ST3GAL5: variants seen among roughly 807,000 people sequenced by gnomAD.
ST3GAL5 encodes lactosylceramide alpha-2,3-sialyltransferase.
A neutral mutation model predicts 46.1 loss-of-function variants in ST3GAL5; 25 were observed. The ratio of observed to expected loss-of-function variants is 0.54; its 90% CI spans 0.40 to 0.76. The LOEUF (loss-of-function observed/expected upper bound fraction) is 0.76, where lower values mean the gene tolerates loss of function less well. Among genes scored for constraint, ST3GAL5 ranks in the 30% least tolerant of loss-of-function variants. The pLI, the probability that ST3GAL5 is intolerant of heterozygous loss-of-function variation, is 0.00. For missense variants in ST3GAL5, 431 were observed against 521.2 expected (o/e 0.83, Z 1.69); for synonymous variants, 182 against 192.7 (o/e 0.94, Z 0.46).
chr2:85,853,422 ACTGT>A (rs1683756589), intron 3 of ST3GAL5: 1 of 281,758 alleles, frequency 3.5e-6, no homozygotes, highest in African/African-American at 2.2e-5. Context: ...TCCCACTCAC[ACTGT>A]GGGCTGCTGA....
At chr2:85,864,577 T>C (rs1055400140) in intron 1 of ST3GAL5, among the ~76,000 whole-genome samples, 4 of 93,718 alleles carry the variant, frequency 4.3e-5, no homozygotes, top group African/African-American at 1.5e-4. Context: ...AGCAGAAGTG[T>C]TACATCAAAA....
chr2:85,885,494 T>G (rs1687636507), intron 1 of ST3GAL5, among the ~76,000 whole-genome samples: 1 of 152,164 alleles, frequency 6.6e-6, no homozygotes, highest in African/African-American at 2.4e-5. Flanking sequence ...ACTGTGGCCC[T>G]CATCAGCGAA....
intron 5 of ST3GAL5, chr2:85,846,176 C>G: frequency 1.7e-6 from 1 of 574,102 alleles, no homozygotes; most frequent in Admixed American, 2.9e-5. Context: ...AGCCCTCTAG[C>G]CTGGACAACA....
chr2:85,853,362 C>T (rs1409003795), intron 3 of ST3GAL5: 14 of 329,402 alleles, frequency 4.3e-5, no homozygotes, highest in East Asian at 1.6e-4. Context: ...GTAATGAAGG[C>T]GGGGACCAGC....
At chr2:85,849,826 C>T (rs1455958776) in intron 3 of ST3GAL5, 1 of 150,368 alleles carries the variant, frequency 6.7e-6, no homozygotes, top group Non-Finnish European at 1.5e-5. Context: ...TGCATTACTC[C>T]TCCTATTCAC....
chr2:85,846,644 T>A, intron 4 of ST3GAL5, 81 bp from the exon 5 acceptor site: 1 of 1,357,598 alleles, frequency 7.4e-7, no homozygotes, highest in Non-Finnish European at 1.1e-6. Flanking sequence ...ATCCATGTCA[T>A]GTCCTCCACG....
At chr2:85,850,235 A>G (rs1683329789) in intron 3 of ST3GAL5, 1 of 152,258 alleles carries the variant, frequency 6.6e-6, no homozygotes, top group Non-Finnish European at 1.5e-5. Flanking sequence ...GACACCATGC[A>G]TAGCCACTGC....
At chr2:85,869,984 C>T (rs1237246846) in intron 1 of ST3GAL5, 2 of 344,660 alleles carry the variant, frequency 5.8e-6, no homozygotes, top group African/African-American at 4.3e-5. Flanking sequence ...TTCAGTTAAG[C>T]AAACGAGACC....
chr2:85,851,287 G>C (rs945626782), intron 3 of ST3GAL5: 1 of 1,135,688 alleles, frequency 8.8e-7, no homozygotes, highest in African/African-American at 1.6e-5. Context: ...CCCCTCCTGC[G>C]CCTAAGTGAC....
chr2:85,876,365 G>A (rs977039440), intron 1 of ST3GAL5, among the ~76,000 whole-genome samples: 3 of 152,106 alleles, frequency 2.0e-5, no homozygotes, highest in African/African-American at 7.2e-5. Context: ...AAATAGCAGT[G>A]GCAATGGGTG....
At chr2:85,888,733 G>T in intron 1 of ST3GAL5, 91 bp downstream of exon 1, 2 of 1,029,212 alleles carry the variant, frequency 1.9e-6, no homozygotes, top group Non-Finnish European at 2.4e-6. Flanking sequence ...CGGAAACGCC[G>T]CGCCCAGCCG....
chr2:85,856,419 T>A (rs1684116454), intron 3 of ST3GAL5: 1 of 152,170 alleles, frequency 6.6e-6, no homozygotes, highest in African/African-American at 2.4e-5. Flanking sequence ...GCCTAGGATT[T>A]GTGGGGAGGG....
At chr2:85,844,656 C>A in intron 5 of ST3GAL5, 102 bp from the exon 6 acceptor site, 1 of 1,491,066 alleles carries the variant, frequency 6.7e-7, no homozygotes. Context: ...CCATGTGGCC[C>A]TGTGCACTGC....
rs1463546566 is a variant in ST3GAL5, at chr2:85,840,012, G to A, written c.*132C>T. On this transcript the variant is annotated 3_prime_UTR_variant, in exon 7 of 7. Coordinates refer to ENST00000638572, the MANE Select transcript of ST3GAL5 (RefSeq NM_003896.4). ...AGTGGGAAGAGCTAAAATTTTTTTT[G>A]TGTTTTTAAATTAAAAGTTAAAAAC... 3.6e-6 allele frequency: 5 copies of A among 1,404,232 alleles called. No homozygotes were observed. The African/African-American group carries it at 5.8e-5, about 16-fold the overall frequency. The allele number at this position is 1,404,232 out of a possible 1,614,324, so 87.0% of individuals were successfully genotyped here. A position where few individuals can be genotyped will look rare whatever the true frequency, so the allele number is the denominator to read the frequency against.
chr2:85,889,009 G>T, upstream of ST3GAL5: 1 of 887,344 alleles, frequency 1.1e-6, no homozygotes, highest in Non-Finnish European at 1.5e-6. Flanking sequence ...CCGCTCCCCC[G>T]CTCAGATGCG....
At chr2:85,857,536 CAAAAAAA>C (rs369873432) in intron 3 of ST3GAL5, among the ~76,000 whole-genome samples, 1 of 73,386 alleles carries the variant, frequency 1.4e-5, no homozygotes, top group Non-Finnish European at 2.8e-5. Flanking sequence ...GACTCCGTCT[CAAAAAAA>C]AAAAAAAAAA....
Position 85,863,398 on chromosome 2 carries a change from A to G in ST3GAL5, c.170T>C (p.Met57Thr). 1 of 1,614,194 alleles carries G rather than the reference A, an allele frequency of 6.2e-7. No individual in the cohort carries two copies. The highest frequency in any genetic ancestry group is 1.3e-5 in the African/African-American group (1 of 75,042). ...LQWYTRAQSK[M>T]RRPSLLLKDI... The stretch of plus-strand genomic sequence containing the variant: ...TTTTAATAACAAGCTGGGCCTTCTC[A>G]TCTTGCTTTGAGCTCGGGTGTACCA... The change falls in exon 2 of 7, where the codon ATG (methionine) becomes ACG (threonine). Residue 57 changes from methionine to threonine, a missense_variant. Coordinates refer to ENST00000638572, the MANE Select transcript of ST3GAL5 (RefSeq NM_003896.4).
At chr2:85,855,054 A>G (rs1450527118) in intron 3 of ST3GAL5, 1 of 152,314 alleles carries the variant, frequency 6.6e-6, no homozygotes, top group Non-Finnish European at 1.5e-5. Context: ...ACAACATGCA[A>G]AAGGATGACC....
chr2:85,850,921 CTTTTTTTTT>C (rs34082565), intron 3 of ST3GAL5: 1 of 141,984 alleles, frequency 7.0e-6, no homozygotes, highest in African/African-American at 2.6e-5. Context: ...CTTTTTTTTT[CTTTTTTTTT>C]TTTTGAGACA....
Sources: gnomAD v4.1 joint callset for allele counts (sites outside exome capture counted in the v4.1 genomes callset) on GRCh38, gnomAD v4.1.1 for gene constraint, MANE v1.5 for transcripts, NCBI Gene and HGNC (gene_info 2026-07-23, HGNC 2026-07-21) for gene names.